Variants in GLIPR1L2 observed in about 807,000 individuals in gnomAD.
GLIPR1L2 encodes the protein GLIPR1-like protein 2.
GLIPR1L2 carries 21 observed loss-of-function variants against 28.4 expected under a neutral mutation model. The ratio of observed to expected loss-of-function variants is 0.74; its 90% CI spans 0.52 to 1.06. The LOEUF is 1.06. Among genes scored for constraint, GLIPR1L2 ranks in the 50% least tolerant of loss-of-function variants. The probability of loss-of-function intolerance (pLI) is 0.00; values close to 1 mark genes in which losing one functional copy is unlikely to be tolerated. For synonymous variants in GLIPR1L2, 145 were observed against 139.3 expected (o/e 1.04, Z -0.29); for missense variants, 476 against 416.9 (o/e 1.14, Z -1.23).
At chr12:75,428,249 T>G (rs2046053867) in intron 4 of GLIPR1L2, among the ~76,000 whole-genome samples, 1 of 152,222 alleles carries the variant, frequency 6.6e-6, no homozygotes, top group African/African-American at 2.4e-5. Context: ...ATAAAGGTCA[T>G]TCTTGCTATG....
At chr12:75,424,193 A>C (rs1454710841) in intron 4 of GLIPR1L2, among the ~76,000 whole-genome samples, 10 of 152,184 alleles carry the variant, frequency 6.6e-5, no homozygotes, top group Non-Finnish European at 1.5e-5. Flanking sequence ...TACAGTGTAA[A>C]AGTGTTCCTA....
At chr12:75,411,717 T>G (rs2045869771) in intron 2 of GLIPR1L2, among the ~76,000 whole-genome samples, 1 of 152,000 alleles carries the variant, frequency 6.6e-6, no homozygotes, top group Non-Finnish European at 1.5e-5. Flanking sequence ...GCAGATACTC[T>G]ATTCTTTATT....
chr12:75,420,965 A>C (rs60941260), intron 3 of GLIPR1L2, among the ~76,000 whole-genome samples: 3,746 of 152,264 alleles, frequency 0.025, 142 homozygotes, highest in African/African-American at 0.085. Flanking sequence ...GCCTTCCCAC[A>C]GTTTTTCCAC....
At chr12:75,429,517 G>C (rs745834859) in intron 4 of GLIPR1L2, among the ~76,000 whole-genome samples, 9 of 152,174 alleles carry the variant, frequency 5.9e-5, no homozygotes, top group Non-Finnish European at 7.3e-5. Context: ...ACTTTTGGGT[G>C]AATGCTGGAA....
intron 3 of GLIPR1L2, among the ~76,000 whole-genome samples, chr12:75,419,801 T>C (rs1250764350): frequency 1.3e-5 from 2 of 152,148 alleles, no homozygotes; most frequent in African/African-American, 4.8e-5. Context: ...CAGGGATAAT[T>C]TGAGACAGAA....
chr12:75,407,314 A>G (rs563905051), intron 1 of GLIPR1L2, among the ~76,000 whole-genome samples: 1 of 152,190 alleles, frequency 6.6e-6, no homozygotes, highest in East Asian at 1.9e-4. Context: ...TTCATCTGCA[A>G]CTTTATATCC....
At chr12:75,399,084 T>C (rs1210646505) in intron 1 of GLIPR1L2, among the ~76,000 whole-genome samples, 2 of 152,170 alleles carry the variant, frequency 1.3e-5, no homozygotes, top group Non-Finnish European at 2.9e-5. Flanking sequence ...CCTATTCCTT[T>C]ATTGATGGAC....
At chr12:75,393,026 T>G (rs2045647469) in intron 1 of GLIPR1L2, among the ~76,000 whole-genome samples, 1 of 152,068 alleles carries the variant, frequency 6.6e-6, no homozygotes, top group Non-Finnish European at 1.5e-5. Context: ...TTTAAACTCT[T>G]TTATTGGTTA....
chr12:75,421,026 T>C (rs2045971094), intron 3 of GLIPR1L2, among the ~76,000 whole-genome samples: 1 of 152,214 alleles, frequency 6.6e-6, no homozygotes, highest in South Asian at 2.1e-4. Flanking sequence ...TATGCTCTAG[T>C]TCTCAAAGGC....
chr12:75,417,527 T>C (rs2045935220), intron 3 of GLIPR1L2, among the ~76,000 whole-genome samples: 1 of 152,082 alleles, frequency 6.6e-6, no homozygotes, highest in Non-Finnish European at 1.5e-5. Flanking sequence ...GACTTGGCCA[T>C]GCATACTGAA....
chr12:75,391,124 C>T lies in GLIPR1L2; in HGVS notation c.8C>T (p.Ala3Val), dbSNP rs1042607141. 1 of 1,612,420 alleles carries T rather than the reference C, an allele frequency of 6.2e-7. No homozygotes were observed. Among genetic ancestry groups the T allele is most frequent in the South Asian group, 1.1e-5 (1 of 91,034 alleles). ME[A>V]ARPFAREWRA... is the part of the protein sequence containing the mutation. ...GTCAGCGGCCGGTGGACCATGGAGG[C>T]CGCAAGGCCCTTCGCCCGGGAGTGG... The change falls in exon 1 of 6, where the codon GCC becomes GTC. Residue 3 changes from alanine to valine, a missense_variant. Physicochemically the swap from Ala to Val is moderately conservative, Grantham distance 64 (BLOSUM62 0). Transcript: ENST00000550916.
chr12:75,401,679 A>G (rs2139926744), intron 1 of GLIPR1L2, among the ~76,000 whole-genome samples: 1 of 152,220 alleles, frequency 6.6e-6, no homozygotes, highest in African/African-American at 2.4e-5. Flanking sequence ...ATTTCTGACT[A>G]GAATGTAATA....
chr12:75,431,388 A>G lies in GLIPR1L2; in HGVS notation c.*227A>G. The stretch of plus-strand genomic sequence containing the variant: ...ATGTAAGGTGGGCTCTTTGACACTA[A>G]GAACAGATAAAGACATGACAGGAAA... On this transcript the variant is annotated 3_prime_UTR_variant, in exon 6 of 6. Coordinates refer to ENST00000550916, the MANE Select transcript of GLIPR1L2 (RefSeq NM_001270396.2). 1 of 415,696 alleles carries G rather than the reference A, an allele frequency of 2.4e-6. No individual in the cohort carries two copies. Among genetic ancestry groups the G allele is most frequent in the East Asian group, 3.6e-5 (1 of 27,946 alleles). The allele number at this position is 415,696 out of a possible 1,614,324, so 25.8% of individuals were successfully genotyped here. A position where few individuals can be genotyped will look rare whatever the true frequency, so the allele number is the denominator to read the frequency against.
intron 4 of GLIPR1L2, among the ~76,000 whole-genome samples, chr12:75,427,310 C>T (rs74108791): frequency 0.019 from 2,819 of 152,144 alleles, 74 homozygotes; most frequent in African/African-American, 0.064. Context: ...ACTGCTCATA[C>T]TAAGGTATCA....
chr12:75,400,511 A>G (rs912062684), intron 1 of GLIPR1L2, among the ~76,000 whole-genome samples: 3 of 152,230 alleles, frequency 2.0e-5, no homozygotes, highest in African/African-American at 4.8e-5. Flanking sequence ...AAAATTTAAA[A>G]TAATGTATAT....
Position 75,413,704 on chromosome 12 carries a change from A to G in GLIPR1L2, c.584+3A>G, listed in dbSNP as rs191983256. 2.8e-4 allele frequency: 370 copies of G among 1,326,934 alleles called. 3 individuals carry two copies. In the African/African-American group the frequency reaches 4.4e-3, roughly 16 times the overall value. The allele number at this position is 1,326,934 out of a possible 1,614,324, so 82.2% of individuals were successfully genotyped here. A position where few individuals can be genotyped will look rare whatever the true frequency, so the allele number is the denominator to read the frequency against. On this transcript the variant is annotated splice_donor_region_variant and intron_variant, in intron 3 of 5. Coordinates refer to ENST00000550916, the MANE Select transcript of GLIPR1L2 (RefSeq NM_001270396.2). ...TTCATATGCAACTATGCGCCAGGGTAAGTTACTTAAAATTAATAAAAGAAT... is the reference window on the plus strand; with the variant it reads ...TTCATATGCAACTATGCGCCAGGGTGAGTTACTTAAAATTAATAAAAGAAT...
intron 4 of GLIPR1L2, among the ~76,000 whole-genome samples, chr12:75,425,350 G>T (rs1289455236): frequency 6.6e-6 from 1 of 152,130 alleles, no homozygotes; most frequent in Non-Finnish European, 1.5e-5. Flanking sequence ...ACCTAAGCCA[G>T]TAAAGGGGGC....
chr12:75,398,089 G>T (rs1347603126), intron 1 of GLIPR1L2, among the ~76,000 whole-genome samples: 1 of 150,712 alleles, frequency 6.6e-6, no homozygotes, highest in Non-Finnish European at 1.5e-5. Context: ...CCAACACTTC[G>T]GGAGGCCAAG....
rs993130568 is a variant in GLIPR1L2 at position 75,401,361 on chromosome 12, A to G, written c.235-9073A>G. Among the ~76,000 whole-genome samples the G allele has an allele frequency of 8.2e-4, 125 of 151,624 alleles. 1 individual carries two copies. Among genetic ancestry groups the G allele is most frequent in the African/African-American group, 2.7e-3 (114 of 41,528 alleles). On this transcript the variant is annotated intron_variant, in intron 1 of 5. Transcript: ENST00000550916. ...TAATATAGAAATGAAGACTAAAGAT[A>G]AAAAGAAATACTATGTATTGGAAAA...
Sources: allele counts gnomAD v4.1 joint callset (sites outside exome capture counted in the v4.1 genomes callset), GRCh38; gene constraint gnomAD v4.1.1; transcripts MANE v1.5; gene names NCBI Gene and HGNC (gene_info 2026-07-23, HGNC 2026-07-21).